Variants in BCL11B observed in about 807,000 individuals in gnomAD.
BCL11B encodes the protein B-cell lymphoma/leukemia 11B.
In BCL11B, 8 loss-of-function variants were observed where a neutral mutation model predicts 49.9. That is an observed-to-expected ratio of 0.16 (90% confidence interval 0.09 to 0.29). The LOEUF (loss-of-function observed/expected upper bound fraction) is 0.29, where lower values mean the gene tolerates loss of function less well. Among genes scored for constraint, BCL11B ranks in the 10% least tolerant of loss-of-function variants. The probability of loss-of-function intolerance (pLI) is 1.00; values close to 1 mark genes in which losing one functional copy is unlikely to be tolerated. For synonymous variants in BCL11B, 739 were observed against 637.4 expected, an observed-to-expected ratio of 1.16 and a Z score of -2.40; for missense variants, 1,006 against 1,351.0, an observed-to-expected ratio of 0.74 and a Z score of 4.00.
At chr14:99,237,727 C>T (rs2139906885) in intron 2 of BCL11B, among the ~76,000 whole-genome samples, 1 of 152,282 alleles carries the variant, frequency 6.6e-6, no homozygotes, top group Non-Finnish European at 1.5e-5. Context: ...TAAAGAGTTC[C>T]TTCGGGGTCA....
At chr14:99,260,090 G>C (rs1451725145) in intron 1 of BCL11B, among the ~76,000 whole-genome samples, 2 of 152,174 alleles carry the variant, frequency 1.3e-5, no homozygotes, top group Non-Finnish European at 2.9e-5. Flanking sequence ...TTTACAGAAG[G>C]TGCTCTAATA....
chr14:99,221,867 C>T (rs1888018847), intron 3 of BCL11B, among the ~76,000 whole-genome samples: 1 of 152,180 alleles, frequency 6.6e-6, no homozygotes, highest in Admixed American at 6.5e-5. Flanking sequence ...CATTTCTGGA[C>T]CCTAGGGTCT....
In BCL11B at chr14:99,238,999, G is replaced by GCATA. The variant is rs1566825253; in HGVS notation, c.428-7443_428-7442insTATG. On this transcript the variant is annotated intron_variant, in intron 2 of 3. Coordinates refer to ENST00000357195, the MANE Select transcript of BCL11B (RefSeq NM_138576.4). ...GTTCTATATACATATACATATGCAT[G>GCATA]TGCACATACACACACAAACACTCAT... Among the ~76,000 whole-genome samples the GCATA allele has an allele frequency of 5.7e-3, 874 of 152,028 alleles. 57 individuals are homozygous for GCATA. The East Asian group carries it at 0.15, about 26-fold the overall frequency.
chr14:99,252,749 G>A (rs200318797), intron 2 of BCL11B, among the ~76,000 whole-genome samples: 1 of 152,222 alleles, frequency 6.6e-6, no homozygotes, highest in Non-Finnish European at 1.5e-5. Flanking sequence ...GGAGGGTTAC[G>A]GAGGCAGGCC....
chr14:99,211,115 T>C (rs1887676523), intron 3 of BCL11B, among the ~76,000 whole-genome samples: 1 of 152,158 alleles, frequency 6.6e-6, no homozygotes, highest in African/African-American at 2.4e-5. Flanking sequence ...GGTAATACCA[T>C]GATCTCCTTT....
intron 3 of BCL11B, among the ~76,000 whole-genome samples, chr14:99,190,214 C>T (rs1418027468): frequency 2.1e-5 from 2 of 97,148 alleles, no homozygotes; most frequent in African/African-American, 6.6e-5. Flanking sequence ...TTGGGCCAGG[C>T]GCGGTGGCTC....
At position 99,231,109 on chromosome 14, in the gene BCL11B, T is replaced by C. The variant is rs928087708; in HGVS notation, c.640+236A>G. Among the ~76,000 whole-genome samples the C allele has an allele frequency of 1.3e-5, 2 of 152,188 alleles. No homozygotes were observed. Among genetic ancestry groups the C allele is most frequent in the African/African-American group, 2.4e-5 (1 of 41,446 alleles). On this transcript the variant is annotated intron_variant, in intron 3 of 3. Transcript: ENST00000357195. The surrounding 1 kb of genome is among the most constrained non-coding windows in gnomAD (Gnocchi z 8.1). ...CGGGATTGGGAGGCTGGGGAATGCATTCTGGGAGCAAGACTCTCAGAACGG... is the reference window on the plus strand; with the variant it reads ...CGGGATTGGGAGGCTGGGGAATGCACTCTGGGAGCAAGACTCTCAGAACGG...
At chr14:99,246,219 G>A (rs1271509293) in intron 2 of BCL11B, among the ~76,000 whole-genome samples, 2 of 152,196 alleles carry the variant, frequency 1.3e-5, no homozygotes, top group African/African-American at 4.8e-5. Flanking sequence ...CCTTCCCAGC[G>A]AGGCCAGACG....
chr14:99,242,796 A>G lies in BCL11B; in HGVS notation c.428-11239T>C, dbSNP rs1028455955. Among the ~76,000 whole-genome samples the G allele has an allele frequency of 2.0e-5, 3 of 152,280 alleles. No homozygotes were observed. Among genetic ancestry groups the G allele is most frequent in the African/African-American group, 7.2e-5 (3 of 41,468 alleles). ...GAAAAAAGAAATCAAGACACTTCCA[A>G]AGAAAAGCAACAACCAAAAAGTAAA... On this transcript the variant is annotated intron_variant, in intron 2 of 3. Transcript: ENST00000357195. This position sits in a 1 kb window ranked among gnomAD's most constrained non-coding sequence, Gnocchi z 4.4.
At chr14:99,221,937 G>A (rs748479808) in intron 3 of BCL11B, among the ~76,000 whole-genome samples, 62 of 152,170 alleles carry the variant, frequency 4.1e-4, no homozygotes, top group Non-Finnish European at 8.1e-4. Flanking sequence ...GGATCCTCCC[G>A]GGAACCATAT....
At chr14:99,226,719 C>G (rs1354870630) in intron 3 of BCL11B, among the ~76,000 whole-genome samples, 1 of 152,210 alleles carries the variant, frequency 6.6e-6, no homozygotes, top group Non-Finnish European at 1.5e-5. Context: ...CATTGGACGG[C>G]TCTGGTTATA....
At chr14:99,254,929 A>G (rs1021893211) in intron 2 of BCL11B, among the ~76,000 whole-genome samples, 4 of 152,244 alleles carry the variant, frequency 2.6e-5, no homozygotes, top group Non-Finnish European at 5.9e-5. Flanking sequence ...CTGTTAATCT[A>G]CACAGAGAAA....
rs142031587 is a variant in BCL11B, at chr14:99,229,399, C to T, written c.640+1946G>A. On this transcript the variant is annotated intron_variant, in intron 3 of 3. Transcript: ENST00000357195. ...GAGCCAAGGCAGTGGAAAGCTCATT[C>T]GACCTCCCGTGGATGTCGGCAGAGG... Among the ~76,000 whole-genome samples, 781 of 152,228 alleles carry T rather than the reference C, an allele frequency of 5.1e-3. 5 individuals carry two copies. The highest frequency in any genetic ancestry group is 1.0e-2 in the Non-Finnish European group (678 of 68,014).
Position 99,266,605 on chromosome 14 carries a change from G to A in BCL11B, c.58+4556C>T, listed in dbSNP as rs114416601. 4.2e-3 allele frequency among the ~76,000 whole-genome samples: 644 copies of A among 152,346 alleles called. 5 individuals are homozygous for A. The highest frequency in any genetic ancestry group is 0.015 in the African/African-American group (611 of 41,584). On this transcript the variant is annotated intron_variant, in intron 1 of 3. Transcript: ENST00000357195. ...ATTTTGTCCTGCACGAATCTCTGCT[G>A]GAAAATCAATATTACAACTTCACAC... is the stretch of plus-strand genomic sequence containing the variant.
In BCL11B at chr14:99,228,112, T is replaced by A. The variant is rs564363065; in HGVS notation, c.640+3233A>T. Reference sequence around the variant, plus strand: ...ACGCAATTAACCTGTGTGAAACACGTTTACACTGGGGTTCTCCATGTTAAC... The same window carrying A: ...ACGCAATTAACCTGTGTGAAACACGATTACACTGGGGTTCTCCATGTTAAC... On this transcript the variant is annotated intron_variant, in intron 3 of 3. Coordinates refer to ENST00000357195, the MANE Select transcript of BCL11B (RefSeq NM_138576.4). This position sits in a 1 kb window ranked among gnomAD's most constrained non-coding sequence, Gnocchi z 4.8. 6.6e-6 allele frequency among the ~76,000 whole-genome samples: 1 copy of A among 152,300 alleles called. No homozygotes were observed. Among genetic ancestry groups the A allele is most frequent in the East Asian group, 1.9e-4 (1 of 5,166 alleles).
intron 1 of BCL11B, among the ~76,000 whole-genome samples, chr14:99,270,684 C>A (rs1169494374): frequency 6.6e-6 from 1 of 151,940 alleles, no homozygotes; most frequent in East Asian, 1.9e-4. Context: ...GAACGCACCC[C>A]GCTCTCCTCC....
intron 2 of BCL11B, among the ~76,000 whole-genome samples, chr14:99,240,197 G>A (rs1888621190): frequency 6.6e-6 from 1 of 152,080 alleles, no homozygotes; most frequent in South Asian, 2.1e-4. Context: ...AGGAAAGAAA[G>A]AAAGGAAGAG....
intron 2 of BCL11B, among the ~76,000 whole-genome samples, chr14:99,255,157 T>A (rs1210990011): frequency 6.6e-6 from 1 of 152,156 alleles, no homozygotes; most frequent in Non-Finnish European, 1.5e-5. Flanking sequence ...GGCAGGCGCA[T>A]GTGTGCTGTT....
chr14:99,250,421 G>C (rs940724983), intron 2 of BCL11B, among the ~76,000 whole-genome samples: 3 of 151,986 alleles, frequency 2.0e-5, no homozygotes, highest in Non-Finnish European at 4.4e-5. Flanking sequence ...GCGAGACTCT[G>C]TCTCAAAAAT....
Sources: gnomAD v4.1 joint callset for allele counts (sites outside exome capture counted in the v4.1 genomes callset) on GRCh38, gnomAD v4.1.1 for gene constraint, Gnocchi (gnomAD v3.1) non-coding constraint, MANE v1.5 for transcripts, NCBI Gene and HGNC (gene_info 2026-07-23, HGNC 2026-07-21) for gene names.